CNTNAP3: variants seen among roughly 807,000 people sequenced by gnomAD.
The protein encoded by CNTNAP3 is contactin associated protein family member 3, also known as contactin-associated protein-like 3.
In CNTNAP3, 36 loss-of-function variants were observed where a neutral mutation model predicts 92.1. The observed-to-expected ratio is 0.39, with a 90% CI of 0.30 to 0.52. The LOEUF (loss-of-function observed/expected upper bound fraction) is 0.52. Among genes scored for constraint, CNTNAP3 ranks in the 20% least tolerant of loss-of-function variants. CNTNAP3 has a pLI of 0.76. For missense variants in CNTNAP3, 534 were observed against 1,069.6 expected, an observed-to-expected ratio of 0.50 and a Z score of 6.98; for synonymous variants, 232 against 422.3, an observed-to-expected ratio of 0.55 and a Z score of 5.53.
At chr9:39,080,224 C>T (rs1040065086) in intron 21 of CNTNAP3, among the ~76,000 whole-genome samples, 1 of 141,540 alleles carries the variant, frequency 7.1e-6, no homozygotes, top group Non-Finnish European at 1.5e-5. Context: ...AAGAATCCTG[C>T]CAATTTGGTT....
intron 15 of CNTNAP3, among the ~76,000 whole-genome samples, chr9:39,105,752 T>C (rs1758528): frequency 1.5e-4 from 23 of 152,150 alleles, no homozygotes; most frequent in East Asian, 7.7e-4. Context: ...CAGAGAATGA[T>C]AGAAAATGGT....
At chr9:39,093,801 G>A (rs898476853) in intron 18 of CNTNAP3, among the ~76,000 whole-genome samples, 4 of 151,328 alleles carry the variant, frequency 2.6e-5, no homozygotes, top group Non-Finnish European at 5.9e-5. Context: ...CCACTATTGT[G>A]ATTAGTGCTA....
chr9:39,132,979 TGCTC>T lies in CNTNAP3; in HGVS notation c.2029_2032del (p.Glu677SerfsTer21). 1 of 1,543,548 alleles carries T rather than the reference TGCTC, an allele frequency of 6.5e-7. No homozygotes were observed. The highest frequency in any genetic ancestry group is 1.2e-5 in the South Asian group (1 of 84,948). The stretch of plus-strand genomic sequence containing the variant: ...CGTCCCGCAGCGCAGAGCCAGCCGC[TGCTC>T]GCAGCGCTCCGCCAGGTTCACCGCG... On this transcript the variant is annotated frameshift_variant, in exon 13 of 24. Coordinates refer to ENST00000297668, the MANE Select transcript of CNTNAP3 (RefSeq NM_033655.5). LOFTEE classifies it high-confidence loss of function.
At chr9:39,128,784 G>A (rs1214595943) in intron 13 of CNTNAP3, among the ~76,000 whole-genome samples, 2 of 150,444 alleles carry the variant, frequency 1.3e-5, no homozygotes, top group Non-Finnish European at 3.0e-5. Context: ...AAAATCCCAA[G>A]GAAACTAAAA....
intron 18 of CNTNAP3, among the ~76,000 whole-genome samples, chr9:39,097,192 A>C (rs911010681): frequency 1.3e-5 from 2 of 151,954 alleles, no homozygotes; most frequent in Non-Finnish European, 2.9e-5. Context: ...AATTCTCTTA[A>C]TTGCTTACTG....
chr9:39,079,071 C>T, intron 21 of CNTNAP3, 151 bp from the exon 22 acceptor site: 1 of 1,078,228 alleles, frequency 9.3e-7, no homozygotes, highest in Non-Finnish European at 1.3e-6. Flanking sequence ...GAGAGGTCAC[C>T]GTGAATCTTT....
At chr9:39,148,213 G>C (rs1043992787) in intron 10 of CNTNAP3, among the ~76,000 whole-genome samples, 8 of 152,094 alleles carry the variant, frequency 5.3e-5, no homozygotes, top group Non-Finnish European at 1.2e-4. Context: ...TCAAGGTCAA[G>C]AATGAGAGGT....
At chr9:39,161,656 C>CTAAT (rs1235060531) in intron 9 of CNTNAP3, among the ~76,000 whole-genome samples, 1 of 124,414 alleles carries the variant, frequency 8.0e-6, no homozygotes, top group African/African-American at 3.1e-5. Flanking sequence ...TCTCTACAAA[C>CTAAT]AATAATAATA....
chr9:39,112,511 G>A (rs1385183374), intron 14 of CNTNAP3, among the ~76,000 whole-genome samples: 8 of 152,044 alleles, frequency 5.3e-5, no homozygotes, highest in African/African-American at 1.2e-4. Context: ...GATTACAGGC[G>A]TGCGCCACTA....
At chr9:39,079,498 A>C (rs567034468) in intron 21 of CNTNAP3, among the ~76,000 whole-genome samples, 93 of 152,004 alleles carry the variant, frequency 6.1e-4, no homozygotes, top group Middle Eastern at 3.4e-3. Context: ...TGCATTTCTT[A>C]AATTTATCAG....
At chr9:39,117,979 A>G in intron 14 of CNTNAP3, 124 bp downstream of exon 14, 1 of 1,547,154 alleles carries the variant, frequency 6.5e-7, no homozygotes, top group Non-Finnish European at 8.7e-7. Context: ...CAAAACTTGT[A>G]TTTCAGCTTG....
At position 39,174,566 on chromosome 9, in the gene CNTNAP3, C is replaced by T. The variant is rs115252999; in HGVS notation, c.1071+1383G>A. 2,278 of 636,366 alleles carry T rather than the reference C, an allele frequency of 3.6e-3. 67 individuals carry two copies. The African/African-American group carries it at 0.039, about 11-fold the overall frequency. 39.4% of individuals were successfully genotyped at this position (636,366 alleles called of 1,614,324 possible). ...CTCCAGCACATAACAGGAAAGAAAA[C>T]ATGTTCCCAACAATACAAATAAATA... On this transcript the variant is annotated intron_variant, in intron 7 of 23. Coordinates refer to ENST00000297668, the MANE Select transcript of CNTNAP3 (RefSeq NM_033655.5).
chr9:39,084,449 C>T (rs1178738965), intron 21 of CNTNAP3, among the ~76,000 whole-genome samples: 1 of 152,112 alleles, frequency 6.6e-6, no homozygotes, highest in Non-Finnish European at 1.5e-5. Context: ...CTGCCTCAGC[C>T]TCCCAAAGTG....
chr9:39,074,207 T>G (rs1246512669), intron 23 of CNTNAP3, among the ~76,000 whole-genome samples, 196 bp from the exon 24 acceptor site: 1 of 151,818 alleles, frequency 6.6e-6, no homozygotes, highest in East Asian at 1.9e-4. Flanking sequence ...ACAATTATTC[T>G]TTGTAGAGAT....
chr9:39,145,088 C>A (rs545500886), intron 10 of CNTNAP3, among the ~76,000 whole-genome samples: 1 of 139,474 alleles, frequency 7.2e-6, no homozygotes, highest in African/African-American at 2.6e-5. Flanking sequence ...GAATCTGCTG[C>A]CGCCCACTAT....
At chr9:39,122,000 C>T (rs1254664609) in intron 13 of CNTNAP3, among the ~76,000 whole-genome samples, 5 of 145,690 alleles carry the variant, frequency 3.4e-5, no homozygotes, top group Non-Finnish European at 7.6e-5. Context: ...CTGAGAAGCA[C>T]TCTGAAGGTC....
intron 9 of CNTNAP3, among the ~76,000 whole-genome samples, chr9:39,162,141 GA>G (rs907351376): frequency 7.9e-5 from 6 of 75,604 alleles, no homozygotes; most frequent in South Asian, 5.1e-4. Flanking sequence ...TAACAAGAAA[GA>G]AAAAAAACGT....
chr9:39,096,464 A>T (rs1377489105), intron 18 of CNTNAP3, among the ~76,000 whole-genome samples: 1 of 152,062 alleles, frequency 6.6e-6, no homozygotes, highest in Admixed American at 6.6e-5. Context: ...GGTAGAGGTA[A>T]TATTTTGATA....
At chr9:39,103,952 T>A in intron 15 of CNTNAP3, 38 bp from the exon 16 acceptor site, 1 of 1,513,356 alleles carries the variant, frequency 6.6e-7, no homozygotes, top group South Asian at 1.3e-5. Flanking sequence ...GGAAAAAAAG[T>A]CATGAAACAA....
Sources: gnomAD v4.1 joint callset for allele counts (sites outside exome capture counted in the v4.1 genomes callset) on GRCh38, gnomAD v4.1.1 for gene constraint, MANE v1.5 for transcripts, NCBI Gene and HGNC (gene_info 2026-07-23, HGNC 2026-07-21) for gene names.